Variants in GUCA1A observed in about 807,000 individuals in gnomAD.
GUCA1A encodes the protein guanylate cyclase activator 1A.
A neutral mutation model predicts 18.5 loss-of-function variants in GUCA1A; 14 were observed. That is an observed-to-expected ratio of 0.76 (90% CI 0.50 to 1.18). GUCA1A has a LOEUF of 1.18. Among genes scored for constraint, GUCA1A ranks in the 50% most tolerant of loss-of-function variants. The pLI, the probability that GUCA1A is intolerant of heterozygous loss-of-function variation, is 0.00. For missense variants in GUCA1A, 264 were observed against 262.4 expected, an observed-to-expected ratio of 1.01 and a Z score of -0.04; for synonymous variants, 97 against 100.2, an observed-to-expected ratio of 0.97 and a Z score of 0.19.
chr6:42,174,441 G>A (rs1417274718), intron 1 of GUCA1A, among the ~76,000 whole-genome samples: 2 of 152,190 alleles, frequency 1.3e-5, no homozygotes, highest in Admixed American at 1.3e-4. Flanking sequence ...AAAATACCCA[G>A]TGACCTCATA....
intron 3 of GUCA1A, 131 bp downstream of exon 3, chr6:42,179,026 C>G: frequency 1.1e-6 from 1 of 870,416 alleles, no homozygotes; most frequent in South Asian, 1.4e-5. Context: ...CTGGTCACTT[C>G]CTCCACCTGC....
chr6:42,176,041 G>C (rs530009775), intron 1 of GUCA1A, among the ~76,000 whole-genome samples: 1 of 152,068 alleles, frequency 6.6e-6, no homozygotes, highest in Admixed American at 6.6e-5. Flanking sequence ...TCACCATTAC[G>C]TTTATCGCCT....
intron 1 of GUCA1A, among the ~76,000 whole-genome samples, chr6:42,176,814 T>G (rs572453756): frequency 1.3e-5 from 2 of 152,288 alleles, no homozygotes; most frequent in South Asian, 4.1e-4. Flanking sequence ...TGAAGTTTTA[T>G]TAGAACTCAC....
chr6:42,175,430 G>A (rs1767932491), intron 1 of GUCA1A, among the ~76,000 whole-genome samples: 1 of 142,650 alleles, frequency 7.0e-6, no homozygotes, highest in African/African-American at 2.7e-5. Context: ...GCGTGATCTC[G>A]GCTCACTGCA....
rs1767858112 is a variant in GUCA1A at position 42,173,364 on chromosome 6, A to G, written c.-250A>G. 5 of 574,716 alleles carry G rather than the reference A, an allele frequency of 8.7e-6. No homozygotes were observed. In the South Asian group the frequency reaches 9.9e-5, roughly 11 times the overall value. The allele number at this position is 574,716 out of a possible 1,614,324, so 35.6% of individuals were successfully genotyped here. A position where few individuals can be genotyped will look rare whatever the true frequency, so the allele number is the denominator to read the frequency against. Reference sequence around the variant, plus strand: ...GTCTCCCCTGGGGCTGCAAGGATTTAGTGGAGACTCTTAACACCAGTTCTC... The same window carrying G: ...GTCTCCCCTGGGGCTGCAAGGATTTGGTGGAGACTCTTAACACCAGTTCTC... On this transcript the variant is annotated 5_prime_UTR_variant, in exon 1 of 4. Coordinates refer to ENST00000372958, the MANE Select transcript of GUCA1A (RefSeq NM_001384910.1).
rs1190878360 is a variant in GUCA1A at position 42,179,575 on chromosome 6, C to T, written c.*172C>T. 1 of 591,876 alleles carries T rather than the reference C, an allele frequency of 1.7e-6. No homozygotes were observed. Among genetic ancestry groups the T allele is most frequent in the Non-Finnish European group, 2.9e-6 (1 of 340,592 alleles). The allele number at this position is 591,876 out of a possible 1,614,324, so 36.7% of individuals were successfully genotyped here. ...AGAAGTGGGAGTCCAGAGCCAGGAA[C>T]AGTGAAGGATGGTTCCTGGCCCCTC... On this transcript the variant is annotated 3_prime_UTR_variant, in exon 4 of 4. Coordinates refer to ENST00000372958, the MANE Select transcript of GUCA1A (RefSeq NM_001384910.1).
Position 42,173,822 on chromosome 6 carries a change from G to A in GUCA1A, c.201+8G>A. 1.9e-6 allele frequency: 3 copies of A among 1,606,268 alleles called. No homozygotes were observed. Among genetic ancestry groups the A allele is most frequent in the African/African-American group, 2.7e-5 (2 of 74,890 alleles). On this transcript the variant is annotated splice_region_variant and intron_variant, in intron 1 of 3. Transcript: ENST00000372958. ...ACTTTTGACTTCAACAAGGTGAGCA[G>A]GGGCCCAGTGGCAGGGAGGGGAAGT...
chr6:42,173,948 T>A, intron 1 of GUCA1A, 134 bp downstream of exon 1: 1 of 675,336 alleles, frequency 1.5e-6, no homozygotes. Context: ...TATACAGTCA[T>A]TTGTTTATTT....
At position 42,173,589 on chromosome 6, in the gene GUCA1A, C is replaced by A; in HGVS notation, c.-25C>A. The A allele has an allele frequency of 6.3e-7, 1 of 1,591,512 alleles. No individual in the cohort carries two copies. Among genetic ancestry groups the A allele is most frequent in the Non-Finnish European group, 8.6e-7 (1 of 1,160,238 alleles). ...GCGAACAGGGCCTGTCCATCTCAGA[C>A]GTCAGCCCCCTGAAGGCCTGAGCAA... is the stretch of plus-strand genomic sequence containing the variant. On this transcript the variant is annotated 5_prime_UTR_variant, in exon 1 of 4. Transcript: ENST00000372958.
In GUCA1A at chr6:42,178,900, G is replaced by A. The variant is rs1768036273; in HGVS notation, c.445+5G>A. On this transcript the variant is annotated splice_donor_5th_base_variant and intron_variant, in intron 3 of 3. Transcript: ENST00000372958. ...AGATTGACGTCAACGGGGATGGTGA[G>A]GGGGCCGAGGAGGGGCTCCCCAGCG... 6.2e-7 allele frequency: 1 copy of A among 1,605,814 alleles called. No individual in the cohort carries two copies. Among genetic ancestry groups the A allele is most frequent in the South Asian group, 1.1e-5 (1 of 90,902 alleles).
Position 42,173,780 on chromosome 6 carries a change from T to C in GUCA1A, c.167T>C (p.Val56Ala). 1.9e-6 allele frequency: 3 copies of C among 1,613,990 alleles called. No homozygotes were observed. Among genetic ancestry groups the C allele is most frequent in the Non-Finnish European group, 2.5e-6 (3 of 1,179,946 alleles). ...KNLSPSASQYVEQMFETFDFN... is the reference protein window; with the variant it reads ...KNLSPSASQYAEQMFETFDFN... ...CTGAGCCCGTCGGCCAGCCAGTACG[T>C]GGAACAGATGTTTGAGACTTTTGAC... is the stretch of plus-strand genomic sequence containing the variant. The change falls in exon 1 of 4, where the codon GTG becomes GCG. Residue 56 changes from valine (V) to alanine (A), a missense_variant. By Grantham distance (64) the Val-to-Ala change is moderately conservative. Transcript: ENST00000372958.
In GUCA1A at chr6:42,179,322, C is replaced by A. The variant is rs1414599855; in HGVS notation, c.525C>A (p.Asp175Glu). Residue 175 changes from aspartate to glutamate, a missense_variant, in exon 4 of 4, where the codon GAC becomes GAA. Transcript: ENST00000372958. Reference protein sequence around the residue: ...MLLDTLTRSLDLTRIVRRLQN... With the variant: ...MLLDTLTRSLELTRIVRRLQN... ...TGGACACACTGACACGAAGCCTGGA[C>A]CTTACCCGCATCGTGCGCAGGCTCC... The A allele has an allele frequency of 1.2e-6, 2 of 1,613,682 alleles. No homozygotes were observed. Among genetic ancestry groups the A allele is most frequent in the Non-Finnish European group, 1.7e-6 (2 of 1,179,766 alleles).
chr6:42,178,230 G>A, intron 1 of GUCA1A, 50 bp from the exon 2 acceptor site: 1 of 1,607,546 alleles, frequency 6.2e-7, no homozygotes, highest in Non-Finnish European at 8.5e-7. Context: ...GCCTGAGGCT[G>A]GAGTGAGCGG....
At position 42,173,476 on chromosome 6, in the gene GUCA1A, A is replaced by G; in HGVS notation, c.-138A>G. On this transcript the variant is annotated 5_prime_UTR_variant, in exon 1 of 4. Transcript: ENST00000372958. ...ATTTCCCGGTACCATCTGATCCATC[A>G]GGCCCTTCTTTGCTCAGGCCTGAAG... The G allele has an allele frequency of 1.4e-6, 1 of 710,518 alleles. No individual in the cohort carries two copies. Among genetic ancestry groups the G allele is most frequent in the Non-Finnish European group, 2.5e-6 (1 of 392,236 alleles). The allele number at this position is 710,518 out of a possible 1,614,324, so 44.0% of individuals were successfully genotyped here. A position where few individuals can be genotyped will look rare whatever the true frequency, so the allele number is the denominator to read the frequency against.
chr6:42,179,373 G>A lies in GUCA1A; in HGVS notation c.576G>A (p.Gly192=). The change falls in exon 4 of 4, where the codon GGG becomes GGA. Residue 192 remains glycine, a synonymous_variant. Coordinates refer to ENST00000372958, the MANE Select transcript of GUCA1A (RefSeq NM_001384910.1). ...RLQNGEQDEE[G]ADEAAEAAG ...AGAATGGCGAGCAAGACGAGGAGGG[G>A]GCTGACGAGGCCGCTGAGGCAGCCG... 3 of 1,607,858 alleles carry A rather than the reference G, an allele frequency of 1.9e-6. No homozygotes were observed. The highest frequency in any genetic ancestry group is 1.7e-6 in the Non-Finnish European group (2 of 1,176,128).
chr6:42,178,527 A>T, intron 2 of GUCA1A, 98 bp downstream of exon 2: 1 of 1,190,684 alleles, frequency 8.4e-7, no homozygotes, highest in Non-Finnish European at 1.2e-6. Context: ...TTGAGACAGG[A>T]TGTGGGACTG....
Position 42,179,595 on chromosome 6 carries a change from C to G in GUCA1A, c.*192C>G, listed in dbSNP as rs1768065216. ...AGGAACAGTGAAGGATGGTTCCTGG[C>G]CCCTCTGAGTGACAGCTGGTGGCAG... On this transcript the variant is annotated 3_prime_UTR_variant, in exon 4 of 4. Transcript: ENST00000372958. 3.7e-6 allele frequency: 2 copies of G among 538,844 alleles called. No individual in the cohort carries two copies. Among genetic ancestry groups the G allele is most frequent in the Non-Finnish European group, 6.5e-6 (2 of 307,382 alleles). The allele number at this position is 538,844 out of a possible 1,614,324, so 33.4% of individuals were successfully genotyped here.
intron 1 of GUCA1A, among the ~76,000 whole-genome samples, chr6:42,174,029 A>G (rs775901368): frequency 2.6e-5 from 4 of 152,178 alleles, no homozygotes. Flanking sequence ...CCAACTGTGA[A>G]TCAGGCACTG....
At position 42,173,778 on chromosome 6, in the gene GUCA1A, C is replaced by T. The variant is rs199667802; in HGVS notation, c.165C>T (p.Tyr55=). 58 of 1,614,038 alleles carry T rather than the reference C, an allele frequency of 3.6e-5. No homozygotes were observed. Among genetic ancestry groups the T allele is most frequent in the African/African-American group, 4.0e-5 (3 of 75,028 alleles). ...LKNLSPSASQ[Y]VEQMFETFDF... is the part of the protein sequence containing the mutation. ...ACCTGAGCCCGTCGGCCAGCCAGTACGTGGAACAGATGTTTGAGACTTTTG... is the reference window on the plus strand; with the variant it reads ...ACCTGAGCCCGTCGGCCAGCCAGTATGTGGAACAGATGTTTGAGACTTTTG... Residue 55 remains tyrosine, a synonymous_variant, in exon 1 of 4, where the codon TAC becomes TAT. Coordinates refer to ENST00000372958, the MANE Select transcript of GUCA1A (RefSeq NM_001384910.1).
Sources: gnomAD v4.1 joint callset for allele counts (sites outside exome capture counted in the v4.1 genomes callset) on GRCh38, gnomAD v4.1.1 for gene constraint, MANE v1.5 for transcripts, NCBI Gene and HGNC (gene_info 2026-07-23, HGNC 2026-07-21) for gene names.